Variants in EYS observed in about 807,000 individuals in gnomAD.
EYS encodes the protein protein eyes shut homolog.
Under a neutral mutation model 282.1 loss-of-function variants are expected in EYS, and 250 were observed. The ratio of observed to expected loss-of-function variants is 0.89; its 90% confidence interval spans 0.80 to 0.98. EYS has a LOEUF of 0.98. EYS is among the 50% of genes least tolerant of loss of function. The pLI is 0.00. For synonymous variants in EYS, 1,355 were observed against 1,282.9 expected (o/e 1.06, Z -1.20); for missense variants, 4,016 against 3,709.0 (o/e 1.08, Z -2.15).
chr6:65,527,815 T>C (rs1170885456), intron 2 of EYS, among the ~76,000 whole-genome samples: 2 of 149,928 alleles, frequency 1.3e-5, no homozygotes, highest in African/African-American at 2.5e-5. Context: ...TTTCCACACA[T>C]GGGACCTCCC....
chr6:65,402,392 A>T (rs1295583500), intron 7 of EYS, 86 bp downstream of exon 7: 4 of 1,010,576 alleles, frequency 4.0e-6, no homozygotes, highest in Non-Finnish European at 6.1e-6. Context: ...AGTTAGGGTT[A>T]AAACCAGAAC....
intron 31 of EYS, among the ~76,000 whole-genome samples, chr6:64,161,241 G>A (rs1436470301): frequency 2.0e-5 from 3 of 152,134 alleles, no homozygotes; most frequent in Non-Finnish European, 4.4e-5. Context: ...TGCTGGGTGA[G>A]GTGACAGACC....
At chr6:64,151,319 A>ATATATATATATATATATATATATATT (rs1774705623) in intron 31 of EYS, among the ~76,000 whole-genome samples, 3 of 25,454 alleles carry the variant, frequency 1.2e-4, no homozygotes, top group Admixed American at 6.0e-4. Context: ...GTGTATATTT[A>ATATATATATATATATATATATATATT]TATATATATA....
At chr6:64,387,593 C>T (rs752714349) in intron 29 of EYS, among the ~76,000 whole-genome samples, 69 of 152,222 alleles carry the variant, frequency 4.5e-4, no homozygotes, top group Non-Finnish European at 8.1e-4. Flanking sequence ...GTGACAGGAA[C>T]TGTCCTTGCC....
At chr6:64,819,119 G>A (rs1032088795) in intron 21 of EYS, among the ~76,000 whole-genome samples, 6 of 152,252 alleles carry the variant, frequency 3.9e-5, no homozygotes, top group African/African-American at 1.4e-4. Flanking sequence ...ATCTCCTGCA[G>A]AGTGTGTTAT....
At chr6:65,693,109 CAAT>C (rs1769301596) in intron 1 of EYS, among the ~76,000 whole-genome samples, 1 of 149,938 alleles carries the variant, frequency 6.7e-6, no homozygotes, top group South Asian at 2.1e-4. Flanking sequence ...TCAAATTTCC[CAAT>C]AATAACAAGA....
chr6:64,345,461 T>TA (rs1331452313), intron 29 of EYS, among the ~76,000 whole-genome samples: 1 of 152,174 alleles, frequency 6.6e-6, no homozygotes, highest in East Asian at 1.9e-4. Context: ...AAGGATTCCC[T>TA]ATTTAATAAA....
At chr6:65,290,741 G>T (rs1350111806) in intron 12 of EYS, among the ~76,000 whole-genome samples, 1 of 151,332 alleles carries the variant, frequency 6.6e-6, no homozygotes, top group Non-Finnish European at 1.5e-5. Context: ...TGTGCAATTT[G>T]CAAAATCTTT....
At chr6:64,959,301 G>A (rs1206600041) in intron 14 of EYS, among the ~76,000 whole-genome samples, 6 of 152,104 alleles carry the variant, frequency 3.9e-5, no homozygotes, top group Admixed American at 3.3e-4. Context: ...CCTCCAATCT[G>A]TGTTTTGCAT....
chr6:64,430,075 A>G (rs1774528841), intron 28 of EYS, among the ~76,000 whole-genome samples: 1 of 152,180 alleles, frequency 6.6e-6, no homozygotes, highest in African/African-American at 2.4e-5. Flanking sequence ...TCTGAGCCAA[A>G]GTATTCCCGC....
At chr6:64,003,506 T>G (rs182152526) in intron 33 of EYS, among the ~76,000 whole-genome samples, 3 of 152,212 alleles carry the variant, frequency 2.0e-5, no homozygotes, top group Non-Finnish European at 4.4e-5. Flanking sequence ...CCATTTAAAC[T>G]GATGTGATTT....
chr6:64,193,501 T>G (rs1765181492), intron 31 of EYS, among the ~76,000 whole-genome samples: 1 of 151,808 alleles, frequency 6.6e-6, no homozygotes, highest in East Asian at 1.9e-4. Flanking sequence ...TGGTTGTTTA[T>G]TTATTTATTT....
chr6:65,102,529 C>T (rs1344094841), intron 12 of EYS, among the ~76,000 whole-genome samples: 2 of 150,836 alleles, frequency 1.3e-5, no homozygotes, highest in East Asian at 3.9e-4. Context: ...AATATTTATA[C>T]AGAAATTTAA....
At chr6:64,721,572 C>T (rs1244764818) in intron 22 of EYS, among the ~76,000 whole-genome samples, 1 of 152,070 alleles carries the variant, frequency 6.6e-6, no homozygotes, top group Non-Finnish European at 1.5e-5. Context: ...AATCCCCTTT[C>T]TTCAAAAAAC....
chr6:65,371,733 C>G (rs909732036), intron 8 of EYS, among the ~76,000 whole-genome samples: 2 of 50,680 alleles, frequency 3.9e-5, no homozygotes, highest in African/African-American at 1.0e-4. Flanking sequence ...CTCTCTCTCT[C>G]TCTCTCTCTG....
chr6:64,187,291 T>C (rs1764974830), intron 31 of EYS, among the ~76,000 whole-genome samples: 1 of 152,070 alleles, frequency 6.6e-6, no homozygotes, highest in African/African-American at 2.4e-5. Flanking sequence ...AAGCATCTCT[T>C]TTCTCAAATC....
chr6:64,417,688 T>TC (rs1324287325), intron 28 of EYS, among the ~76,000 whole-genome samples: 1 of 149,978 alleles, frequency 6.7e-6, no homozygotes, highest in East Asian at 1.9e-4. Flanking sequence ...TTTTTTTTTT[T>TC]TTGACAGCGT....
intron 11 of EYS, among the ~76,000 whole-genome samples, chr6:65,317,891 A>C (rs1769355282): frequency 1.8e-5 from 2 of 109,738 alleles, no homozygotes; most frequent in African/African-American, 7.2e-5. Context: ...TCTTTCAGAC[A>C]GAGTCTCCCT....
intron 14 of EYS, among the ~76,000 whole-genome samples, chr6:64,965,038 AT>A (rs1770047617): frequency 6.6e-6 from 1 of 152,196 alleles, no homozygotes; most frequent in Non-Finnish European, 1.5e-5. Flanking sequence ...TCTCAAAAAA[AT>A]AAAAAGAAAT....
Sources: gnomAD v4.1 joint callset for allele counts (sites outside exome capture counted in the v4.1 genomes callset) on GRCh38, gnomAD v4.1.1 for gene constraint, MANE v1.5 for transcripts, NCBI Gene and HGNC (gene_info 2026-07-23, HGNC 2026-07-21) for gene names.